The following C9orf43 variants were observed in gnomAD, a reference collection of about 807,000 sequenced individuals.
The protein encoded by C9orf43 is uncharacterized protein C9orf43.
Under a neutral mutation model 59.1 loss-of-function variants are expected in C9orf43, and 45 were observed. The ratio of observed to expected loss-of-function variants is 0.76; its 90% CI spans 0.60 to 0.98. The LOEUF is 0.98. Ranked by LOEUF, C9orf43 falls within the 50% of genes least tolerant of loss-of-function variation. The probability of loss-of-function intolerance (pLI) is 0.00; values close to 1 mark genes in which losing one functional copy is unlikely to be tolerated. For missense variants in C9orf43, 533 were observed against 554.9 expected (o/e 0.96, Z 0.40); for synonymous variants, 203 against 196.8 (o/e 1.03, Z -0.26).
intron 6 of C9orf43, 64 bp downstream of exon 6, chr9:113,422,649 T>C (rs1302895601): frequency 6.3e-7 from 1 of 1,583,208 alleles, no homozygotes; most frequent in Non-Finnish European, 8.6e-7. Flanking sequence ...TTTGTTTTCC[T>C]TTCAGGTCTC....
Position 113,411,361 on chromosome 9 carries a change from C to G in C9orf43, c.-50+360C>G, listed in dbSNP as rs1828138630. ...CGCCCAGGTTGGAGTGCAGTGGCGC[C>G]GATTTCGGCTCACTGCAAGCTCCGC... is the stretch of plus-strand genomic sequence containing the variant. On this transcript the variant is annotated intron_variant, in intron 1 of 13. Transcript: ENST00000374165. Among the ~76,000 whole-genome samples, 6 of 151,046 alleles carry G rather than the reference C, an allele frequency of 4.0e-5. No individual in the cohort carries two copies. The South Asian group carries it at 1.3e-3, about 32-fold the overall frequency.
At chr9:113,417,063 T>A (rs143819545) in intron 3 of C9orf43, among the ~76,000 whole-genome samples, 2 of 152,368 alleles carry the variant, frequency 1.3e-5, no homozygotes, top group African/African-American at 4.8e-5. Flanking sequence ...TGACCTGAAA[T>A]GATTTTTTTG....
Position 113,410,936 on chromosome 9 carries a change from T to C in C9orf43, c.-115T>C. The C allele has an allele frequency of 8.1e-6, 8 of 986,608 alleles. No homozygotes were observed. The highest frequency in any genetic ancestry group is 9.6e-6 in the Non-Finnish European group (8 of 830,566). The allele number at this position is 986,608 out of a possible 1,614,324, so 61.1% of individuals were successfully genotyped here. A position where few individuals can be genotyped will look rare whatever the true frequency, so the allele number is the denominator to read the frequency against. ...TTCCTGGAATGGAGTGGGCAGTCTTTTTCCATCTCTACCGAAGTTGATGTT... is the reference window on the plus strand; with the variant it reads ...TTCCTGGAATGGAGTGGGCAGTCTTCTTCCATCTCTACCGAAGTTGATGTT... On this transcript the variant is annotated 5_prime_UTR_variant, in exon 1 of 14. Coordinates refer to ENST00000374165, the MANE Select transcript of C9orf43 (RefSeq NM_001278629.2).
Position 113,429,292 on chromosome 9 carries a change from C to T in C9orf43, c.1292C>T (p.Ala431Val), listed in dbSNP as rs752612810. Residue 431 changes from alanine (A) to valine (V), a missense_variant, in exon 14 of 14, where the codon GCT becomes GTT. Transcript: ENST00000374165. ...TCCTTTAACTTTTCAGAAATTATGG[C>T]TAGCACAGGCTGGAACTCTGAGCTC... Reference protein sequence around the residue: ...KISFNFSEIMASTGWNSELKL... With the variant: ...KISFNFSEIMVSTGWNSELKL... 4 of 1,614,214 alleles carry T rather than the reference C, an allele frequency of 2.5e-6. 1 individual carries two copies. The Admixed American group carries it at 6.7e-5, about 27-fold the overall frequency.
At chr9:113,423,844 T>C (rs1443816097) in intron 7 of C9orf43, among the ~76,000 whole-genome samples, 4 of 152,220 alleles carry the variant, frequency 2.6e-5, no homozygotes, top group African/African-American at 9.6e-5. Context: ...GAATTTTACA[T>C]TGAAACTTAA....
intron 10 of C9orf43, 95 bp downstream of exon 10, chr9:113,425,515 A>C (rs190398398): frequency 6.7e-7 from 1 of 1,491,976 alleles, no homozygotes; most frequent in African/African-American, 1.4e-5. Flanking sequence ...CTTGTTTTCT[A>C]TCTGGTTATA....
intron 3 of C9orf43, among the ~76,000 whole-genome samples, chr9:113,418,537 TAAC>T (rs1588105662): frequency 1.3e-5 from 2 of 152,310 alleles, no homozygotes; most frequent in African/African-American, 4.8e-5. Flanking sequence ...AGTAAGAGAT[TAAC>T]AACAATAAGA....
At position 113,423,449 on chromosome 9, in the gene C9orf43, C is replaced by T; in HGVS notation, c.607C>T (p.Leu203=). 6.2e-7 allele frequency: 1 copy of T among 1,614,060 alleles called. No homozygotes were observed. The highest frequency in any genetic ancestry group is 8.5e-7 in the Non-Finnish European group (1 of 1,179,968). Reference sequence around the variant, plus strand: ...GTCTGAACAATTCAGTTCAGATTTCCTACCTCTCTGGGCTCAATCCGAAGC... The same window carrying T: ...GTCTGAACAATTCAGTTCAGATTTCTTACCTCTCTGGGCTCAATCCGAAGC... ...QLSEQFSSDF[L]PLWAQSEALP... is the part of the protein sequence containing the mutation. The change falls in exon 7 of 14, where the codon CTA becomes TTA. Residue 203 remains leucine, a synonymous_variant. Transcript: ENST00000374165.
chr9:113,411,138 G>A, intron 1 of C9orf43, 137 bp downstream of exon 1: 1 of 984,808 alleles, frequency 1.0e-6, no homozygotes, highest in Non-Finnish European at 1.2e-6. Flanking sequence ...GGACTGGGCA[G>A]GTAACGAAAG....
chr9:113,425,841 G>T, intron 11 of C9orf43, 111 bp downstream of exon 11: 1 of 837,554 alleles, frequency 1.2e-6, no homozygotes, highest in South Asian at 1.4e-5. Context: ...CCTTTGTCAG[G>T]CACTCAGAGT....
chr9:113,413,369 T>C (rs113630453), intron 1 of C9orf43, 76 bp from the exon 2 acceptor site: 2 of 1,311,040 alleles, frequency 1.5e-6, no homozygotes, highest in African/African-American at 1.5e-5. Flanking sequence ...TATTTTATAC[T>C]GTGAGTTCAA....
At chr9:113,426,520 GCA>G (rs1488273978) in intron 11 of C9orf43, among the ~76,000 whole-genome samples, 9 of 152,268 alleles carry the variant, frequency 5.9e-5, no homozygotes, top group African/African-American at 1.9e-4. Flanking sequence ...CAATCCTGGG[GCA>G]CTGGGAGGGC....
intron 5 of C9orf43, among the ~76,000 whole-genome samples, chr9:113,421,613 C>G (rs1158738520): frequency 6.6e-6 from 1 of 152,082 alleles, no homozygotes; most frequent in African/African-American, 2.4e-5. Flanking sequence ...GCATATAGGA[C>G]TTGTGTACAA....
intron 5 of C9orf43, 124 bp from the exon 6 acceptor site, chr9:113,422,425 G>C: frequency 1.5e-6 from 2 of 1,335,150 alleles, no homozygotes; most frequent in Non-Finnish European, 2.0e-6. Flanking sequence ...GAATCTTTGT[G>C]GTCATCATTC....
At chr9:113,418,025 A>G (rs1588105145) in intron 3 of C9orf43, among the ~76,000 whole-genome samples, 1 of 152,316 alleles carries the variant, frequency 6.6e-6, no homozygotes, top group East Asian at 1.9e-4. Context: ...ATAGCAAGTG[A>G]TATGAAAACA....
intron 1 of C9orf43, among the ~76,000 whole-genome samples, chr9:113,411,865 A>T (rs1828174485): frequency 6.6e-6 from 1 of 152,008 alleles, no homozygotes; most frequent in African/African-American, 2.4e-5. Context: ...TTTCGTAGAG[A>T]CAGGGTTTCA....
chr9:113,429,645 G>A lies in C9orf43; in HGVS notation c.*259G>A. 2.4e-6 allele frequency: 1 copy of A among 415,330 alleles called. No individual in the cohort carries two copies. The highest frequency in any genetic ancestry group is 4.1e-5 in the Admixed American group (1 of 24,662). 25.7% of individuals were successfully genotyped at this position (415,330 alleles called of 1,614,324 possible). A position where few individuals can be genotyped will look rare whatever the true frequency, so the allele number is the denominator to read the frequency against. ...TTTAGATTATTTCCTTTCCATTAGGGTCAGAATAATTTTGGTGATTAAACA... is the reference window on the plus strand; with the variant it reads ...TTTAGATTATTTCCTTTCCATTAGGATCAGAATAATTTTGGTGATTAAACA... On this transcript the variant is annotated 3_prime_UTR_variant, in exon 14 of 14. Transcript: ENST00000374165.
chr9:113,415,960 A>G (rs1480441425), intron 3 of C9orf43, among the ~76,000 whole-genome samples: 2 of 152,180 alleles, frequency 1.3e-5, no homozygotes, highest in East Asian at 3.8e-4. Context: ...GGTGTTTCTC[A>G]GTCAGGACCT....
At chr9:113,415,516 A>C (rs907347425) in intron 3 of C9orf43, among the ~76,000 whole-genome samples, 3 of 151,952 alleles carry the variant, frequency 2.0e-5, no homozygotes, top group Non-Finnish European at 4.4e-5. Flanking sequence ...TGTTACATGC[A>C]TGGATGAATG....
Sources: allele counts gnomAD v4.1 joint callset (sites outside exome capture counted in the v4.1 genomes callset), GRCh38; gene constraint gnomAD v4.1.1; transcripts MANE v1.5; gene names NCBI Gene and HGNC (gene_info 2026-07-23, HGNC 2026-07-21).